Variants in WDR49 observed in about 807,000 individuals in gnomAD.
WDR49 encodes cilia- and flagella-associated protein 337.
A neutral mutation model predicts 119.5 loss-of-function variants in WDR49; 107 were observed. That is an observed-to-expected ratio of 0.90 (90% CI 0.77 to 1.05). The LOEUF (loss-of-function observed/expected upper bound fraction) is 1.05. WDR49 is among the 50% of genes least tolerant of loss of function. WDR49 has a pLI of 0.00. For synonymous variants in WDR49, 425 were observed against 418.8 expected, an observed-to-expected ratio of 1.01 and a Z score of -0.18; for missense variants, 1,240 against 1,220.5, an observed-to-expected ratio of 1.02 and a Z score of -0.24.
At chr3:167,572,736 A>G (rs1348178181) in intron 8 of WDR49, among the ~76,000 whole-genome samples, 1 of 152,214 alleles carries the variant, frequency 6.6e-6, no homozygotes, top group African/African-American at 2.4e-5. Flanking sequence ...TACTGGGAAA[A>G]CAACTAAAAA....
intron 2 of WDR49, among the ~76,000 whole-genome samples, chr3:167,635,398 A>G (rs1057216453): frequency 3.3e-5 from 5 of 151,758 alleles, no homozygotes; most frequent in Non-Finnish European, 5.9e-5. Flanking sequence ...TCTATTAGTA[A>G]TAAGCCTAAA....
chr3:167,512,611 G>T (rs959951646), intron 16 of WDR49, among the ~76,000 whole-genome samples: 3 of 152,218 alleles, frequency 2.0e-5, no homozygotes, highest in Non-Finnish European at 2.9e-5. Context: ...CTGAGGCAGA[G>T]ATGGATGAAT....
chr3:167,544,502 G>A (rs960579068), intron 10 of WDR49, among the ~76,000 whole-genome samples: 1 of 151,930 alleles, frequency 6.6e-6, no homozygotes, highest in Non-Finnish European at 1.5e-5. Flanking sequence ...AAGGCAAATA[G>A]ACCAGAGGGA....
At chr3:167,526,719 C>A (rs945498360) in intron 15 of WDR49, among the ~76,000 whole-genome samples, 12 of 152,196 alleles carry the variant, frequency 7.9e-5, no homozygotes, top group Non-Finnish European at 1.2e-4. Context: ...GATTTACCAA[C>A]ACCCTCTGCA....
rs201894645 is a variant in WDR49 at position 167,627,193 on chromosome 3, G to A, written c.265C>T (p.Leu89Phe). The A allele has an allele frequency of 2.4e-5, 30 of 1,256,224 alleles. No homozygotes were observed. The highest frequency in any genetic ancestry group is 4.0e-5 in the Admixed American group (1 of 24,852). The allele number at this position is 1,256,224 out of a possible 1,614,324, so 77.8% of individuals were successfully genotyped here. Residue 89 changes from leucine to phenylalanine, a missense_variant, in exon 3 of 19, where the codon CTC becomes TTC. Physicochemically the swap from Leu to Phe is conservative, Grantham distance 22 (BLOSUM62 0). Coordinates refer to ENST00000682715, the MANE Select transcript of WDR49 (RefSeq NM_001366157.1). ...GWGTKEEYGE[L>F]FDKVDVAQDG... ...TGGGCCACATCCACTTTGTCAAAGA[G>A]CTCCCCATATTCTTCCTTCGTGCCC...
chr3:167,538,673 G>A (rs1200688954), intron 10 of WDR49, among the ~76,000 whole-genome samples: 4 of 152,058 alleles, frequency 2.6e-5, no homozygotes, highest in African/African-American at 4.8e-5. Context: ...GTACAGAGCC[G>A]TCAGCATAAA....
rs578198337 is a variant in WDR49, at chr3:167,583,787, T to C, written c.1276-7636A>G. Among the ~76,000 whole-genome samples the C allele has an allele frequency of 3.3e-5, 5 of 152,240 alleles. No individual in the cohort carries two copies. In the East Asian group the frequency reaches 9.7e-4, roughly 29 times the overall value. Reference sequence around the variant, plus strand: ...GAATGCAGTAGCCTCAAGACAGTAGTTTTGCACATTTCATTATACCCTACA... The same window carrying C: ...GAATGCAGTAGCCTCAAGACAGTAGCTTTGCACATTTCATTATACCCTACA... On this transcript the variant is annotated intron_variant, in intron 7 of 18. Coordinates refer to ENST00000682715, the MANE Select transcript of WDR49 (RefSeq NM_001366157.1).
At chr3:167,624,029 G>A (rs183063645) in intron 3 of WDR49, among the ~76,000 whole-genome samples, 1 of 151,810 alleles carries the variant, frequency 6.6e-6, no homozygotes, top group Admixed American at 6.6e-5. Context: ...AAAAACTCTC[G>A]AAACTCAATA....
chr3:167,609,111 C>T (rs1003671809), intron 5 of WDR49, among the ~76,000 whole-genome samples: 2 of 152,098 alleles, frequency 1.3e-5, no homozygotes, highest in Admixed American at 6.5e-5. Context: ...ATAACATTTG[C>T]CAACTGATAG....
At chr3:167,558,715 T>A (rs1713093460) in intron 9 of WDR49, among the ~76,000 whole-genome samples, 1 of 152,160 alleles carries the variant, frequency 6.6e-6, no homozygotes, top group Admixed American at 6.5e-5. Flanking sequence ...CAGGTCCGAC[T>A]AAGTCCCTTA....
chr3:167,602,280 T>A lies in WDR49; in HGVS notation c.1127-5A>T. On this transcript the variant is annotated splice_region_variant and splice_polypyrimidine_tract_variant and intron_variant, in intron 6 of 18. Coordinates refer to ENST00000682715, the MANE Select transcript of WDR49 (RefSeq NM_001366157.1). ...TATTGTTAATGCCAGCAGTTGCTAA[T>A]CAGAATTAGAAAGAAAAAAAATGTT... The A allele has an allele frequency of 6.4e-7, 1 of 1,561,690 alleles. No homozygotes were observed.
chr3:167,608,127 T>C (rs1362661480), intron 5 of WDR49, among the ~76,000 whole-genome samples: 1 of 152,150 alleles, frequency 6.6e-6, no homozygotes, highest in Non-Finnish European at 1.5e-5. Flanking sequence ...GTTCCAATAG[T>C]ATAAAATCTG....
chr3:167,534,198 C>T (rs1752944424), intron 11 of WDR49, among the ~76,000 whole-genome samples: 1 of 149,408 alleles, frequency 6.7e-6, no homozygotes, highest in South Asian at 2.1e-4. Context: ...CCACTCCATC[C>T]AAAAAAAAAG....
chr3:167,626,791 C>A (rs1717145158), intron 3 of WDR49, 61 bp downstream of exon 3: 2 of 1,195,960 alleles, frequency 1.7e-6, no homozygotes, highest in South Asian at 8.6e-5. Flanking sequence ...TAGCCAGGAG[C>A]CCTGCCCCAT....
At chr3:167,480,946 G>T (rs1200489156) in intron 18 of WDR49, among the ~76,000 whole-genome samples, 1 of 151,850 alleles carries the variant, frequency 6.6e-6, no homozygotes, top group Non-Finnish European at 1.5e-5. Context: ...AGGGCTACCT[G>T]TATCACACAC....
At chr3:167,519,637 G>A (rs1015413313) in intron 16 of WDR49, among the ~76,000 whole-genome samples, 13 of 152,034 alleles carry the variant, frequency 8.6e-5, no homozygotes, top group African/African-American at 3.1e-4. Flanking sequence ...CCTGTCCAGG[G>A]GTGGGGGATG....
rs891998407 is a variant in WDR49, at chr3:167,600,296, G to A, written c.1275+1831C>T. 4.6e-5 allele frequency among the ~76,000 whole-genome samples: 7 copies of A among 152,140 alleles called. 1 individual carries two copies. The highest frequency in any genetic ancestry group is 4.6e-4 in the Admixed American group (7 of 15,262). On this transcript the variant is annotated intron_variant, in intron 7 of 18. Coordinates refer to ENST00000682715, the MANE Select transcript of WDR49 (RefSeq NM_001366157.1). Reference sequence around the variant, plus strand: ...CCCCACACTTCCCCCAAGTCTACTGGCTTTTAGCCCATCTCAGGCACTACG... The same window carrying A: ...CCCCACACTTCCCCCAAGTCTACTGACTTTTAGCCCATCTCAGGCACTACG...
intron 14 of WDR49, among the ~76,000 whole-genome samples, chr3:167,528,363 A>T (rs1752711852): frequency 6.6e-6 from 1 of 151,916 alleles, no homozygotes; most frequent in Admixed American, 6.6e-5. Context: ...TGAGCAGGTA[A>T]TCAGTGATAA....
At chr3:167,567,392 C>A (rs1302579858) in intron 8 of WDR49, among the ~76,000 whole-genome samples, 1 of 152,202 alleles carries the variant, frequency 6.6e-6, no homozygotes, top group Admixed American at 6.5e-5. Flanking sequence ...TTCCCCATTC[C>A]CACCTTTTTT....
Sources: allele counts gnomAD v4.1 joint callset (sites outside exome capture counted in the v4.1 genomes callset), GRCh38; gene constraint gnomAD v4.1.1; transcripts MANE v1.5; gene names NCBI Gene and HGNC (gene_info 2026-07-23, HGNC 2026-07-21).